Variants in TYW1 observed in about 807,000 individuals in gnomAD.
TYW1 encodes the protein S-adenosyl-L-methionine-dependent tRNA 4-demethylwyosine synthase TYW1.
TYW1 carries 46 observed loss-of-function variants against 96.2 expected under a neutral mutation model. The ratio of observed to expected loss-of-function variants is 0.48; its 90% confidence interval spans 0.38 to 0.61. The LOEUF (loss-of-function observed/expected upper bound fraction) is 0.61. Ranked by LOEUF, TYW1 falls within the 20% of genes least tolerant of loss-of-function variation. The probability of loss-of-function intolerance (pLI) is 0.00; values close to 1 mark genes in which losing one functional copy is unlikely to be tolerated. For synonymous variants in TYW1, 274 were observed against 323.0 expected, an observed-to-expected ratio of 0.85 and a Z score of 1.63; for missense variants, 684 against 909.6, an observed-to-expected ratio of 0.75 and a Z score of 3.19.
At chr7:67,091,959 C>G (rs1186359492) in intron 11 of TYW1, among the ~76,000 whole-genome samples, 4 of 152,122 alleles carry the variant, frequency 2.6e-5, no homozygotes, top group Admixed American at 1.3e-4. Context: ...AGGTTTCCTC[C>G]TGTCCTCGTG....
At chr7:67,230,832 G>T (rs1270133688) in intron 15 of TYW1, among the ~76,000 whole-genome samples, 1 of 151,662 alleles carries the variant, frequency 6.6e-6, no homozygotes. Flanking sequence ...TAGAGGCGGG[G>T]TTTCACCTTG....
Position 67,227,859 on chromosome 7 carries a change from C to T in TYW1, c.1978-10449C>T, listed in dbSNP as rs551774725. Among the ~76,000 whole-genome samples the T allele has an allele frequency of 9.2e-5, 14 of 152,314 alleles. 1 individual carries two copies. The South Asian group carries it at 1.9e-3, about 20-fold the overall frequency. On this transcript the variant is annotated intron_variant, in intron 15 of 15. Coordinates refer to ENST00000359626, the MANE Select transcript of TYW1 (RefSeq NM_018264.4). ...GGCATGGAATTCTCCTAGACTCGGT[C>T]CCACGTGCCTGTTCCCTCGGTTAGC...
chr7:67,002,894 C>T (rs1463496229), intron 3 of TYW1, among the ~76,000 whole-genome samples: 1 of 146,126 alleles, frequency 6.8e-6, no homozygotes, highest in Non-Finnish European at 1.5e-5. Context: ...TACTCTGTCA[C>T]CCAGGCTGGA....
At chr7:67,068,939 A>G (rs1484794981) in intron 10 of TYW1, among the ~76,000 whole-genome samples, 1 of 152,096 alleles carries the variant, frequency 6.6e-6, no homozygotes, top group African/African-American at 2.4e-5. Flanking sequence ...CACTGTATCC[A>G]TTTGCTTATC....
chr7:67,072,921 C>T (rs1231821727), intron 10 of TYW1, among the ~76,000 whole-genome samples: 1 of 139,218 alleles, frequency 7.2e-6, no homozygotes, highest in East Asian at 2.2e-4. Flanking sequence ...GCTTGTGCCA[C>T]AATGCCTATC....
chr7:67,075,636 A>G (rs1040238943), intron 10 of TYW1, among the ~76,000 whole-genome samples: 10 of 152,208 alleles, frequency 6.6e-5, no homozygotes, highest in Non-Finnish European at 1.0e-4. Flanking sequence ...GGCTGCATCT[A>G]TAGTAAGATT....
At chr7:67,011,569 A>C (rs1029863365) in intron 4 of TYW1, among the ~76,000 whole-genome samples, 2 of 152,128 alleles carry the variant, frequency 1.3e-5, no homozygotes, top group Admixed American at 1.3e-4. Flanking sequence ...ATGCTGACAC[A>C]GGTAGAGTTA....
intron 15 of TYW1, among the ~76,000 whole-genome samples, chr7:67,227,825 G>A (rs560791447): frequency 2.9e-4 from 44 of 152,316 alleles, no homozygotes; most frequent in African/African-American, 9.9e-4. Context: ...AGGACAACCG[G>A]AAGCTCCAGG....
intron 15 of TYW1, among the ~76,000 whole-genome samples, chr7:67,234,588 C>T (rs1037263911): frequency 1.2e-4 from 19 of 152,112 alleles, no homozygotes; most frequent in Non-Finnish European, 1.9e-4. Flanking sequence ...CATTTTGTTA[C>T]GGCAGCCTGA....
chr7:67,119,477 C>T (rs1214819045), intron 13 of TYW1, among the ~76,000 whole-genome samples: 1 of 152,122 alleles, frequency 6.6e-6, no homozygotes. Flanking sequence ...GCACATGTAC[C>T]CACCACCTTC....
rs1259500610 is a variant in TYW1 at position 67,183,434 on chromosome 7, G to A, written c.1809+198G>A. Among the ~76,000 whole-genome samples, 5 of 152,224 alleles carry A rather than the reference G, an allele frequency of 3.3e-5. No homozygotes were observed. In the East Asian group the frequency reaches 9.6e-4, roughly 29 times the overall value. ...GGATAATAGCAGTCAAGAAGACCAA[G>A]CTCTTGCTCTTATAAAGCTAGTATT... On this transcript the variant is annotated intron_variant, in intron 14 of 15. Transcript: ENST00000359626.
intron 12 of TYW1, among the ~76,000 whole-genome samples, chr7:67,101,787 C>T (rs1004430527): frequency 2.6e-5 from 4 of 152,174 alleles, no homozygotes; most frequent in Admixed American, 6.5e-5. Context: ...CGTGAACCAC[C>T]GAGCCCAGCC....
intron 7 of TYW1, among the ~76,000 whole-genome samples, chr7:67,030,953 C>T (rs552702144): frequency 1.3e-5 from 2 of 151,530 alleles, no homozygotes; most frequent in African/African-American, 4.8e-5. Flanking sequence ...GTAATCCCAG[C>T]ACTTTGGGAG....
intron 15 of TYW1, among the ~76,000 whole-genome samples, chr7:67,217,505 T>C (rs1376096856): frequency 2.6e-5 from 4 of 152,364 alleles, no homozygotes; most frequent in Non-Finnish European, 5.9e-5. Flanking sequence ...TTGTTAAGGA[T>C]GCTGTCCTTT....
chr7:67,141,706 A>G (rs1798453718), intron 13 of TYW1, among the ~76,000 whole-genome samples: 2 of 152,170 alleles, frequency 1.3e-5, no homozygotes, highest in Admixed American at 6.5e-5. Flanking sequence ...CTCACTGTAA[A>G]GTGGGGTTAA....
At chr7:67,090,674 G>A (rs1251190293) in intron 11 of TYW1, among the ~76,000 whole-genome samples, 2 of 152,166 alleles carry the variant, frequency 1.3e-5, no homozygotes, top group Non-Finnish European at 2.9e-5. Flanking sequence ...AGAACAGATC[G>A]TGTGTGTGCA....
chr7:67,032,778 G>A (rs1324988044), intron 7 of TYW1, among the ~76,000 whole-genome samples: 7 of 151,698 alleles, frequency 4.6e-5, no homozygotes, highest in Non-Finnish European at 1.0e-4. Context: ...CATCTCCCTG[G>A]CAAGTCCCTT....
At chr7:67,073,767 CAAAAAAAAAAAAAAAA>C (rs71526599) in intron 10 of TYW1, among the ~76,000 whole-genome samples, 1 of 42,322 alleles carries the variant, frequency 2.4e-5, no homozygotes, top group African/African-American at 1.0e-4. Flanking sequence ...CGAGACTCTT[CAAAAAAAAAAAAAAAA>C]AAAAAAAAAA....
At chr7:67,203,286 T>G (rs1396004089) in intron 15 of TYW1, among the ~76,000 whole-genome samples, 2 of 152,228 alleles carry the variant, frequency 1.3e-5, no homozygotes, top group Non-Finnish European at 2.9e-5. Flanking sequence ...ATGGTATATG[T>G]TTTTCTGTCC....
Sources: gnomAD v4.1 joint callset for allele counts (sites outside exome capture counted in the v4.1 genomes callset) on GRCh38, gnomAD v4.1.1 for gene constraint, MANE v1.5 for transcripts, NCBI Gene and HGNC (gene_info 2026-07-23, HGNC 2026-07-21) for gene names.